The following PPFIBP2 variants were observed in gnomAD, a reference collection of about 807,000 sequenced individuals.
PPFIBP2 encodes PPFIB scaffold protein 2.
PPFIBP2 carries 118 observed loss-of-function variants against 118.3 expected under a neutral mutation model. The observed-to-expected ratio is 1.00, with a 90% CI of 0.86 to 1.16. PPFIBP2 has a LOEUF of 1.16. Among genes scored for constraint, PPFIBP2 ranks in the 50% most tolerant of loss-of-function variants. The probability of loss-of-function intolerance (pLI) is 0.00; values close to 1 mark genes in which losing one functional copy is unlikely to be tolerated. For synonymous variants in PPFIBP2, 414 were observed against 397.4 expected (o/e 1.04, Z -0.50); for missense variants, 1,195 against 1,073.1 (o/e 1.11, Z -1.59).
chr11:7,648,268 T>TA, intron 17 of PPFIBP2, 119 bp from the exon 18 acceptor site: 1 of 1,204,208 alleles, frequency 8.3e-7, no homozygotes, highest in Non-Finnish European at 1.1e-6. Flanking sequence ...GGTTGTTTGT[T>TA]AAAAAACAGG....
At chr11:7,546,644 A>T (rs10839803) in intron 1 of PPFIBP2, among the ~76,000 whole-genome samples, 1 of 152,134 alleles carries the variant, frequency 6.6e-6, no homozygotes, top group Non-Finnish European at 1.5e-5. Flanking sequence ...TGTGAATTCC[A>T]TGGAAGGCTT....
intron 10 of PPFIBP2, among the ~76,000 whole-genome samples, chr11:7,630,561 C>T (rs1455339072): frequency 6.6e-6 from 1 of 152,230 alleles, no homozygotes; most frequent in Admixed American, 6.5e-5. Flanking sequence ...ATCCGCCTGC[C>T]TCAGCCTCCC....
chr11:7,586,708 C>G lies in PPFIBP2; in HGVS notation c.280-6424C>G, dbSNP rs561296538. On this transcript the variant is annotated intron_variant, in intron 3 of 23. Coordinates refer to ENST00000299492, the MANE Select transcript of PPFIBP2 (RefSeq NM_003621.5). ...GTCCTCTTTCTGCAGAGAAGGTGGT[C>G]CCTTGGGGAGGAGGATGCAATAGGA... Among the ~76,000 whole-genome samples, 62 of 152,240 alleles carry G rather than the reference C, an allele frequency of 4.1e-4. No homozygotes were observed. The South Asian group carries it at 0.012, about 30-fold the overall frequency.
At chr11:7,526,246 C>T (rs991633186) in intron 1 of PPFIBP2, among the ~76,000 whole-genome samples, 2 of 152,150 alleles carry the variant, frequency 1.3e-5, no homozygotes, top group Non-Finnish European at 2.9e-5. Context: ...CTTTGTGGAT[C>T]AACCAACTGG....
chr11:7,541,246 T>G (rs1851744738), intron 1 of PPFIBP2, among the ~76,000 whole-genome samples: 2 of 152,190 alleles, frequency 1.3e-5, no homozygotes, highest in African/African-American at 4.8e-5. Flanking sequence ...GTGGTTCTGA[T>G]TAACAGCAAA....
intron 1 of PPFIBP2, among the ~76,000 whole-genome samples, chr11:7,547,894 C>G (rs1274198326): frequency 6.6e-6 from 1 of 152,302 alleles, no homozygotes; most frequent in East Asian, 1.9e-4. Context: ...CTTCCCCATG[C>G]CTGCCGCCTC....
chr11:7,600,205 G>A (rs964984001), intron 5 of PPFIBP2, among the ~76,000 whole-genome samples: 1 of 152,182 alleles, frequency 6.6e-6, no homozygotes, highest in African/African-American at 2.4e-5. Context: ...AACAAATTGA[G>A]TTCAAGCCAT....
chr11:7,656,265 G>A (rs1481457830), downstream of PPFIBP2, among the ~76,000 whole-genome samples: 1 of 152,158 alleles, frequency 6.6e-6, no homozygotes, highest in African/African-American at 2.4e-5. Flanking sequence ...GAGCCTATTG[G>A]CTATAGTGTC....
At position 7,648,816 on chromosome 11, in the gene PPFIBP2, AC is replaced by A; in HGVS notation, c.1817del (p.Pro606HisfsTer9). 1 of 1,613,934 alleles carries A rather than the reference AC, an allele frequency of 6.2e-7. No homozygotes were observed. Among genetic ancestry groups the A allele is most frequent in the South Asian group, 1.1e-5 (1 of 91,076 alleles). ...QDMEKELGIK[H>X]PLHRKKLVLA... ...TAATTTCAGGAGCTAGGAATTAAGC[AC>A]CCACTCCACAGGAAGAAGCTTGTTT... On this transcript the variant is annotated frameshift_variant, in exon 19 of 24. Transcript: ENST00000299492. LOFTEE classifies it high-confidence loss of function.
intron 6 of PPFIBP2, among the ~76,000 whole-genome samples, chr11:7,612,740 C>G (rs976740370): frequency 2.6e-5 from 4 of 152,216 alleles, no homozygotes; most frequent in Non-Finnish European, 5.9e-5. Context: ...TGGAGGAATT[C>G]TGTAGGCTGT....
intron 3 of PPFIBP2, among the ~76,000 whole-genome samples, chr11:7,575,937 G>A (rs762741882): frequency 5.9e-5 from 9 of 152,214 alleles, no homozygotes; most frequent in Non-Finnish European, 1.2e-4. Flanking sequence ...GTCTGGGTGT[G>A]TCTCCAGGAA....
chr11:7,584,804 C>T (rs1287800348), intron 3 of PPFIBP2, among the ~76,000 whole-genome samples: 1 of 152,092 alleles, frequency 6.6e-6, no homozygotes, highest in African/African-American at 2.4e-5. Context: ...AAAGGGGTTG[C>T]ATGTGAGTGG....
chr11:7,626,232 C>T (rs1273498321), intron 8 of PPFIBP2, among the ~76,000 whole-genome samples: 1 of 152,176 alleles, frequency 6.6e-6, no homozygotes, highest in African/African-American at 2.4e-5. Flanking sequence ...ACTGAAAGGC[C>T]TTACTTTTGT....
At chr11:7,558,534 T>C (rs1853911141) in intron 2 of PPFIBP2, among the ~76,000 whole-genome samples, 1 of 152,122 alleles carries the variant, frequency 6.6e-6, no homozygotes, top group African/African-American at 2.4e-5. Flanking sequence ...GGCAGGCAGA[T>C]CACGAGGTCA....
intron 5 of PPFIBP2, among the ~76,000 whole-genome samples, chr11:7,599,629 CTTTTT>C (rs372421700): frequency 7.5e-6 from 1 of 134,010 alleles, no homozygotes; most frequent in African/African-American, 2.8e-5. Flanking sequence ...AACTCAATTA[CTTTTT>C]TTTTTTTTTT....
Position 7,620,928 on chromosome 11 carries a change from C to G in PPFIBP2, c.619-7C>G, listed in dbSNP as rs1849276394. On this transcript the variant is annotated splice_polypyrimidine_tract_variant and splice_region_variant and intron_variant, in intron 6 of 23. Coordinates refer to ENST00000299492, the MANE Select transcript of PPFIBP2 (RefSeq NM_003621.5). ...TCAGAACTTTGTCTTTCTCCCTCATCCCCTAGGAGTTACTGCAAGAGCTCA... is the reference window on the plus strand; with the variant it reads ...TCAGAACTTTGTCTTTCTCCCTCATGCCCTAGGAGTTACTGCAAGAGCTCA... 2 of 1,589,456 alleles carry G rather than the reference C, an allele frequency of 1.3e-6. No homozygotes were observed.
chr11:7,660,706 A>T (rs1486490507), downstream of PPFIBP2, among the ~76,000 whole-genome samples: 631 of 151,154 alleles, frequency 4.2e-3, 3 homozygotes, highest in African/African-American at 0.014. Context: ...TGATTGGAAT[A>T]GTTTCAGAAG....
chr11:7,582,424 A>G (rs1857422176), intron 3 of PPFIBP2, among the ~76,000 whole-genome samples: 1 of 152,198 alleles, frequency 6.6e-6, no homozygotes, highest in Non-Finnish European at 1.5e-5. Context: ...GAATTCTGCC[A>G]TCTCTGACAT....
intron 5 of PPFIBP2, among the ~76,000 whole-genome samples, chr11:7,603,847 C>T (rs1590520023): frequency 6.6e-6 from 1 of 152,042 alleles, no homozygotes. Context: ...GTAAGTAAAA[C>T]AAACCACCCT....
Sources: allele counts gnomAD v4.1 joint callset (sites outside exome capture counted in the v4.1 genomes callset), GRCh38; gene constraint gnomAD v4.1.1; transcripts MANE v1.5; gene names NCBI Gene and HGNC (gene_info 2026-07-23, HGNC 2026-07-21).